GOLM1: variants seen among roughly 807,000 people sequenced by gnomAD.
GOLM1 encodes the protein golgi membrane protein 1, also known as epididymis luminal protein 46.
Under a neutral mutation model 50.5 loss-of-function variants are expected in GOLM1, and 31 were observed. The ratio of observed to expected loss-of-function variants is 0.61; its 90% CI spans 0.46 to 0.83. The LOEUF (loss-of-function observed/expected upper bound fraction) is 0.83. Among genes scored for constraint, GOLM1 ranks in the 40% least tolerant of loss-of-function variants. The probability of loss-of-function intolerance (pLI) is 0.00; values close to 1 mark genes in which losing one functional copy is unlikely to be tolerated. For synonymous variants in GOLM1, 178 were observed against 192.8 expected (o/e 0.92, Z 0.64); for missense variants, 491 against 501.3 (o/e 0.98, Z 0.20).
chr9:86,085,453 G>GC (rs1834924621), intron 1 of GOLM1, among the ~76,000 whole-genome samples: 1 of 93,182 alleles, frequency 1.1e-5, no homozygotes, highest in African/African-American at 4.8e-5. Flanking sequence ...CAAAGTTTTT[G>GC]TTTTTTTTTT....
rs1489500158 is a variant in GOLM1 at position 86,036,343 on chromosome 9, C to G, written c.757+5G>C. The G allele has an allele frequency of 6.2e-7, 1 of 1,614,086 alleles. No homozygotes were observed. The highest frequency in any genetic ancestry group is 8.5e-7 in the Non-Finnish European group (1 of 1,180,018). ...GGAACAGGGCAACTGCTGGGCTCTGCTTACCTTTCTCAACTTGTCTCTTTG... is the reference window on the plus strand; with the variant it reads ...GGAACAGGGCAACTGCTGGGCTCTGGTTACCTTTCTCAACTTGTCTCTTTG... On this transcript the variant is annotated splice_donor_5th_base_variant and intron_variant, in intron 7 of 9. Transcript: ENST00000388712.
At chr9:86,087,714 A>T (rs890876389) in intron 1 of GOLM1, among the ~76,000 whole-genome samples, 1 of 152,160 alleles carries the variant, frequency 6.6e-6, no homozygotes, top group Non-Finnish European at 1.5e-5. Flanking sequence ...GGTTTTTGCC[A>T]TTGGTTCTGT....
In GOLM1 at chr9:86,046,486, T is replaced by C; in HGVS notation, c.451A>G (p.Lys151Glu). 1 of 1,607,018 alleles carries C rather than the reference T, an allele frequency of 6.2e-7. No individual in the cohort carries two copies. The highest frequency in any genetic ancestry group is 8.5e-7 in the Non-Finnish European group (1 of 1,173,504). Residue 151 changes from lysine (K) to glutamate (E), a missense_variant, in exon 5 of 10, where the codon AAG becomes GAG. Physicochemically the swap from Lys to Glu is moderately conservative, Grantham distance 56 (BLOSUM62 1). Coordinates refer to ENST00000388712, the MANE Select transcript of GOLM1 (RefSeq NM_016548.4). ...FQKNQTNLER[K>E]FSYDLSQCIN... is the part of the protein sequence containing the mutation. The stretch of plus-strand genomic sequence containing the variant: ...TGTACTCACAGGTCGTAGGAGAACT[T>C]CCTCTCCAGGTTGGTCTGGTTCTTC...
chr9:86,059,167 A>G (rs895123353), intron 3 of GOLM1, among the ~76,000 whole-genome samples: 2 of 152,176 alleles, frequency 1.3e-5, no homozygotes, highest in African/African-American at 4.8e-5. Context: ...CAGAGCTACC[A>G]TATGACCCAA....
At chr9:86,082,178 G>A (rs1354988248) in intron 1 of GOLM1, among the ~76,000 whole-genome samples, 6 of 151,130 alleles carry the variant, frequency 4.0e-5, no homozygotes, top group Non-Finnish European at 7.4e-5. Context: ...ACAGGCACCT[G>A]CCACCACACC....
At position 86,027,492 on chromosome 9, in the gene GOLM1, A is replaced by AAGTT. The variant is rs1832821203; in HGVS notation, c.*321_*324dup. On this transcript the variant is annotated 3_prime_UTR_variant, in exon 10 of 10. Coordinates refer to ENST00000388712, the MANE Select transcript of GOLM1 (RefSeq NM_016548.4). ...CTATAGGTGGCTGTTAATTTACACA[A>AAGTT]AGTTATATTCCAGAATCAGGAAGCC... The AAGTT allele has an allele frequency of 5.4e-6, 6 of 1,116,744 alleles. No homozygotes were observed. Among genetic ancestry groups the AAGTT allele is most frequent in the East Asian group, 1.4e-4 (2 of 14,432 alleles). The allele number at this position is 1,116,744 out of a possible 1,614,324, so 69.2% of individuals were successfully genotyped here. A position where few individuals can be genotyped will look rare whatever the true frequency, so the allele number is the denominator to read the frequency against.
At position 86,046,398 on chromosome 9, in the gene GOLM1, A is replaced by G; in HGVS notation, c.467+72T>C. ...AGGTGCATGCTCTATCGGAGGTTACATCTCAGCTTAATCCCCGCCTCCCAG... is the reference window on the plus strand; with the variant it reads ...AGGTGCATGCTCTATCGGAGGTTACGTCTCAGCTTAATCCCCGCCTCCCAG... On this transcript the variant is annotated intron_variant, in intron 5 of 9. Coordinates refer to ENST00000388712, the MANE Select transcript of GOLM1 (RefSeq NM_016548.4). 6 of 881,844 alleles carry G rather than the reference A, an allele frequency of 6.8e-6. No individual in the cohort carries two copies. In the South Asian group the frequency reaches 8.2e-5, roughly 12 times the overall value. 54.6% of individuals were successfully genotyped at this position (881,844 alleles called of 1,614,324 possible). A position where few individuals can be genotyped will look rare whatever the true frequency, so the allele number is the denominator to read the frequency against.
chr9:86,062,083 C>T (rs893653838), intron 3 of GOLM1, among the ~76,000 whole-genome samples: 23 of 152,196 alleles, frequency 1.5e-4, no homozygotes, highest in African/African-American at 3.4e-4. Flanking sequence ...AGTTGCTACA[C>T]GCCCAGAATA....
chr9:86,032,771 C>T (rs1429031865), intron 9 of GOLM1, among the ~76,000 whole-genome samples: 1 of 152,162 alleles, frequency 6.6e-6, no homozygotes, highest in African/African-American at 2.4e-5. Context: ...GCTGTTATGC[C>T]TCCTGGGGAG....
At position 86,045,695 on chromosome 9, in the gene GOLM1, T is replaced by TACAC. The variant is rs771914212; in HGVS notation, c.467+771_467+774dup. Among the ~76,000 whole-genome samples the TACAC allele has an allele frequency of 7.3e-3, 1,072 of 147,546 alleles. 15 individuals carry two copies. The highest frequency in any genetic ancestry group is 0.026 in the African/African-American group (1,018 of 39,598). On this transcript the variant is annotated intron_variant, in intron 5 of 9. Transcript: ENST00000388712. ...TCAAGAAAAAAAAAAAAAAAGTATA[T>TACAC]ACACACACACACACACACACGTACA...
At chr9:86,097,752 C>T (rs1471505958) in intron 1 of GOLM1, among the ~76,000 whole-genome samples, 1 of 152,150 alleles carries the variant, frequency 6.6e-6, no homozygotes, top group Non-Finnish European at 1.5e-5. Context: ...AGAAAGCCAG[C>T]TCGCACTTTC....
Position 86,035,535 on chromosome 9 carries a change from C to G in GOLM1, c.848G>C (p.Arg283Thr). ...CCCGAAGCCTCTTCCACCTACAGGT[C>G]TGTCTTCCACCACCTGCTCCCGGCC... ...EPGREQVVED[R>T]PVGGRGFGGA... The change falls in exon 8 of 10, where the codon AGA (arginine) becomes ACA (threonine). Residue 283 changes from arginine to threonine, a missense_variant. Coordinates refer to ENST00000388712, the MANE Select transcript of GOLM1 (RefSeq NM_016548.4). 1.1e-5 allele frequency: 18 copies of G among 1,612,062 alleles called. No individual in the cohort carries two copies. The highest frequency in any genetic ancestry group is 1.4e-5 in the Non-Finnish European group (17 of 1,179,994).
At chr9:86,061,648 CCT>C (rs1314803451) in intron 3 of GOLM1, among the ~76,000 whole-genome samples, 1 of 152,140 alleles carries the variant, frequency 6.6e-6, no homozygotes, top group Non-Finnish European at 1.5e-5. Flanking sequence ...CTTCTCTGTG[CCT>C]CTGTTTCCCC....
At chr9:86,089,124 T>A (rs1020958401) in intron 1 of GOLM1, among the ~76,000 whole-genome samples, 2 of 152,198 alleles carry the variant, frequency 1.3e-5, no homozygotes, top group African/African-American at 4.8e-5. Context: ...TGCAGAGAGA[T>A]CTGCTGTTAG....
chr9:86,079,820 A>G (rs1276040522), intron 1 of GOLM1: 2 of 152,406 alleles, frequency 1.3e-5, no homozygotes, highest in Non-Finnish European at 2.9e-5. Flanking sequence ...TACTCCTCAG[A>G]GAGAGCTTTT....
intron 1 of GOLM1, among the ~76,000 whole-genome samples, chr9:86,097,323 T>A (rs1887878): frequency 5.3e-5 from 8 of 152,104 alleles, no homozygotes; most frequent in Non-Finnish European, 8.8e-5. Context: ...TTCCTTCTAC[T>A]TTTTTACAAA....
rs774459066 is a variant in GOLM1 at position 86,035,364 on chromosome 9, C to T, written c.1015+4G>A. On this transcript the variant is annotated splice_donor_region_variant and intron_variant, in intron 8 of 9. Coordinates refer to ENST00000388712, the MANE Select transcript of GOLM1 (RefSeq NM_016548.4). ...CACAGCGGCCCCCGAAACTTCACAC[C>T]CACCTTCCCCGGCAGCTTCCTGCTC... 2.5e-6 allele frequency: 4 copies of T among 1,612,364 alleles called. No homozygotes were observed. The South Asian group carries it at 4.4e-5, about 18-fold the overall frequency.
chr9:86,057,447 T>C (rs978595557), intron 3 of GOLM1, among the ~76,000 whole-genome samples: 2 of 151,830 alleles, frequency 1.3e-5, no homozygotes, highest in African/African-American at 2.4e-5. Flanking sequence ...ACAGGAGTGC[T>C]TTATGGTCTG....
Position 86,034,978 on chromosome 9 carries a change from C to A in GOLM1, c.1015+390G>T, listed in dbSNP as rs199656843. 1.4e-3 allele frequency: 1,322 copies of A among 971,886 alleles called. 12 individuals carry two copies. The South Asian group carries it at 0.028, about 21-fold the overall frequency. 60.2% of individuals were successfully genotyped at this position (971,886 alleles called of 1,614,324 possible). A position where few individuals can be genotyped will look rare whatever the true frequency, so the allele number is the denominator to read the frequency against. On this transcript the variant is annotated intron_variant, in intron 8 of 9. Transcript: ENST00000388712. ...CTACCCAATATTCCTTCCTTCCTTC[C>A]TTCATTCATTCACTAGGCACTGATT...
Sources: gnomAD v4.1 joint callset for allele counts (sites outside exome capture counted in the v4.1 genomes callset) on GRCh38, gnomAD v4.1.1 for gene constraint, MANE v1.5 for transcripts, NCBI Gene and HGNC (gene_info 2026-07-23, HGNC 2026-07-21) for gene names.